The following CDK8 variants were observed in gnomAD, a reference collection of about 807,000 sequenced individuals.
The protein encoded by CDK8 is cyclin dependent kinase 8.
Under a neutral mutation model 71.5 loss-of-function variants are expected in CDK8, and 29 were observed. The observed-to-expected ratio is 0.41, with a 90% confidence interval of 0.30 to 0.55. The LOEUF is 0.55. CDK8 is among the 20% of genes least tolerant of loss of function. The probability of loss-of-function intolerance (pLI) is 0.37; values close to 1 mark genes in which losing one functional copy is unlikely to be tolerated. For synonymous variants in CDK8, 161 were observed against 192.1 expected (o/e 0.84, Z 1.34); for missense variants, 288 against 572.6 (o/e 0.50, Z 5.07).
intron 1 of CDK8, among the ~76,000 whole-genome samples, chr13:26,292,975 G>C (rs1051488929): frequency 6.6e-6 from 1 of 152,152 alleles, no homozygotes; most frequent in Non-Finnish European, 1.5e-5. Flanking sequence ...TCTCAGTCCT[G>C]AGATGTAGGA....
In CDK8 at chr13:26,404,949, C is replaced by A. The variant is rs572014948; in HGVS notation, c.*868C>A. The A allele has an allele frequency of 1.4e-4, 29 of 202,418 alleles. No homozygotes were observed. The East Asian group carries it at 2.2e-3, about 15-fold the overall frequency. The allele number at this position is 202,418 out of a possible 1,614,324, so 12.5% of individuals were successfully genotyped here. On this transcript the variant is annotated 3_prime_UTR_variant, in exon 13 of 13. Coordinates refer to ENST00000381527, the MANE Select transcript of CDK8 (RefSeq NM_001260.3). ...CCTTAAAAAGGTGCGGCATCCAATT[C>A]AAATATTTTCGTCCTGATTTTAAAG...
intron 3 of CDK8, 30 bp from the exon 4 acceptor site, chr13:26,353,710 C>T: frequency 1.3e-6 from 2 of 1,542,640 alleles, no homozygotes; most frequent in Non-Finnish European, 1.8e-6. Flanking sequence ...TTTTTTTAAG[C>T]TTCTGTTGAT....
At chr13:26,261,360 T>A (rs1871762918) in intron 1 of CDK8, among the ~76,000 whole-genome samples, 1 of 152,196 alleles carries the variant, frequency 6.6e-6, no homozygotes, top group Non-Finnish European at 1.5e-5. Context: ...GTGATCAGTA[T>A]AGTGTTTTTT....
chr13:26,322,263 A>G (rs1331130883), intron 1 of CDK8, among the ~76,000 whole-genome samples: 3 of 152,264 alleles, frequency 2.0e-5, no homozygotes, highest in Admixed American at 1.3e-4. Context: ...TTTTTAAAGA[A>G]TGGTATGAAA....
In CDK8 at chr13:26,396,302, A is replaced by G; in HGVS notation, c.808A>G (p.Ile270Val). The change falls in exon 8 of 13, where the codon ATA becomes GTA. Residue 270 changes from isoleucine (I) to valine (V), a missense_variant. Around this residue, in one of 6 missense-constraint regions of CDK8, gnomAD observed 96 missense variants for 229.8 expected, o/e 0.42. Coordinates refer to ENST00000381527, the MANE Select transcript of CDK8 (RefSeq NM_001260.3). Reference sequence around the variant, plus strand: ...TTTCACAGATAAAGATTGGGAAGATATAAAAAAGATGCCTGAACATTCAAC... The same window carrying G: ...TTTCACAGATAAAGATTGGGAAGATGTAAAAAAGATGCCTGAACATTCAAC... ...GFPADKDWED[I>V]KKMPEHSTLM... The G allele has an allele frequency of 7.0e-7, 1 of 1,421,738 alleles. No homozygotes were observed. The allele number at this position is 1,421,738 out of a possible 1,614,324, so 88.1% of individuals were successfully genotyped here.
chr13:26,347,059 A>T (rs979275027), intron 2 of CDK8, among the ~76,000 whole-genome samples: 1 of 152,148 alleles, frequency 6.6e-6, no homozygotes, highest in African/African-American at 2.4e-5. Flanking sequence ...GGGCTTCATG[A>T]GAGGCTTTTT....
chr13:26,355,235 A>G (rs1204455170), intron 4 of CDK8, among the ~76,000 whole-genome samples: 3 of 152,276 alleles, frequency 2.0e-5, no homozygotes, highest in African/African-American at 7.2e-5. Context: ...CATTTAGACT[A>G]GGACCAGTAA....
intron 6 of CDK8, among the ~76,000 whole-genome samples, chr13:26,389,358 C>T (rs910909029): frequency 6.6e-6 from 1 of 151,996 alleles, no homozygotes; most frequent in African/African-American, 2.4e-5. Context: ...CAGGGTTTTG[C>T]CATGTTGCCC....
intron 4 of CDK8, among the ~76,000 whole-genome samples, chr13:26,379,734 C>T (rs1243799811): frequency 1.3e-5 from 2 of 152,160 alleles, no homozygotes; most frequent in Non-Finnish European, 2.9e-5. Flanking sequence ...TAGGATTGAA[C>T]ACTCCGGTGT....
At chr13:26,333,882 A>G (rs1277167283) in intron 1 of CDK8, among the ~76,000 whole-genome samples, 1 of 152,194 alleles carries the variant, frequency 6.6e-6, no homozygotes, top group Non-Finnish European at 1.5e-5. Context: ...CATTACTGAC[A>G]CTAGTGAACA....
intron 1 of CDK8, among the ~76,000 whole-genome samples, chr13:26,291,193 T>G (rs1759383382): frequency 6.6e-6 from 1 of 152,058 alleles, no homozygotes; most frequent in Non-Finnish European, 1.5e-5. Flanking sequence ...TTCAGTAACA[T>G]GGTGTACAGG....
intron 9 of CDK8, among the ~76,000 whole-genome samples, chr13:26,398,387 A>G (rs1876092488): frequency 6.6e-6 from 1 of 152,136 alleles, no homozygotes; most frequent in Non-Finnish European, 1.5e-5. Flanking sequence ...CCTGCTACTC[A>G]TTATAGTCTA....
intron 12 of CDK8, among the ~76,000 whole-genome samples, chr13:26,402,706 C>T (rs769678465): frequency 6.6e-5 from 10 of 152,144 alleles, no homozygotes; most frequent in Non-Finnish European, 1.0e-4. Flanking sequence ...TCTTCCTTTC[C>T]GGATGGGAAG....
chr13:26,316,335 G>C (rs1180619208), intron 1 of CDK8, among the ~76,000 whole-genome samples: 1 of 152,156 alleles, frequency 6.6e-6, no homozygotes, highest in Non-Finnish European at 1.5e-5. Context: ...ACTCCAGTCT[G>C]AGTGACAGAG....
intron 4 of CDK8, among the ~76,000 whole-genome samples, chr13:26,372,172 G>T (rs1565990221): frequency 6.6e-6 from 1 of 152,064 alleles, no homozygotes; most frequent in Non-Finnish European, 1.5e-5. Flanking sequence ...CACAGTAATA[G>T]AAAACTAAAA....
At chr13:26,393,917 A>C (rs1231434536) in intron 7 of CDK8, among the ~76,000 whole-genome samples, 1 of 152,170 alleles carries the variant, frequency 6.6e-6, no homozygotes, top group African/African-American at 2.4e-5. Context: ...TTCAAATATA[A>C]ATTTTGAACC....
chr13:26,387,759 A>G (rs1236081665), intron 6 of CDK8, among the ~76,000 whole-genome samples: 1 of 152,190 alleles, frequency 6.6e-6, no homozygotes, highest in Non-Finnish European at 1.5e-5. Context: ...CCACATGGCC[A>G]GTTTCTTCTT....
intron 1 of CDK8, among the ~76,000 whole-genome samples, chr13:26,308,207 G>A (rs1168331456): frequency 6.6e-6 from 1 of 152,184 alleles, no homozygotes; most frequent in East Asian, 1.9e-4. Context: ...TCAGTCACAC[G>A]AGCCTTATAT....
At chr13:26,269,970 A>G (rs1241553578) in intron 1 of CDK8, among the ~76,000 whole-genome samples, 6 of 152,158 alleles carry the variant, frequency 3.9e-5, no homozygotes, top group South Asian at 2.1e-4. Flanking sequence ...TTAAATCCCA[A>G]TTGTCTTCAT....
Sources: allele counts gnomAD v4.1 joint callset (sites outside exome capture counted in the v4.1 genomes callset), GRCh38; gene constraint gnomAD v4.1.1; regional missense constraint gnomAD v4.1.1; transcripts MANE v1.5; gene names NCBI Gene and HGNC (gene_info 2026-07-23, HGNC 2026-07-21).